The following SHPK variants were observed in gnomAD, a reference collection of about 807,000 sequenced individuals.
SHPK encodes sedoheptulokinase.
In SHPK, 51 loss-of-function variants were observed where a neutral mutation model predicts 46.3. That is an observed-to-expected ratio of 1.10 (90% CI 0.88 to 1.39). SHPK has a LOEUF of 1.39. Among genes scored for constraint, SHPK ranks in the 40% most tolerant of loss-of-function variants. The probability of loss-of-function intolerance (pLI) is 0.00; values close to 1 mark genes in which losing one functional copy is unlikely to be tolerated. For missense variants in SHPK, 668 were observed against 641.3 expected (o/e 1.04, Z -0.45); for synonymous variants, 290 against 273.9 (o/e 1.06, Z -0.58).
intron 6 of SHPK, among the ~76,000 whole-genome samples, chr17:3,611,864 T>G (rs1172056950): frequency 1.4e-5 from 2 of 141,792 alleles, no homozygotes; most frequent in African/African-American, 2.6e-5. Context: ...CAGTGGCACA[T>G]ATCCTATCGG....
At chr17:3,617,185 A>G (rs1452559200) in intron 5 of SHPK, among the ~76,000 whole-genome samples, 1 of 152,104 alleles carries the variant, frequency 6.6e-6, no homozygotes, top group East Asian at 1.9e-4. Context: ...TTTTTCTTTA[A>G]TCAGATCTGG....
rs1172478703 is a variant in SHPK, at chr17:3,608,307, A to G, written c.*2253T>C. On this transcript the variant is annotated 3_prime_UTR_variant, in exon 7 of 7. Coordinates refer to ENST00000225519, the MANE Select transcript of SHPK (RefSeq NM_013276.4). ...TTCAGCATATGACTGTTTTCTTCCC[A>G]TCTTTTCACTTAAAGGAAGCACCTT... is the stretch of plus-strand genomic sequence containing the variant. 1.3e-5 allele frequency: 2 copies of G among 151,726 alleles called. No individual in the cohort carries two copies. Among genetic ancestry groups the G allele is most frequent in the African/African-American group, 2.4e-5 (1 of 41,324 alleles). The allele number at this position is 151,726 out of a possible 1,614,324, so 9.4% of individuals were successfully genotyped here. A position where few individuals can be genotyped will look rare whatever the true frequency, so the allele number is the denominator to read the frequency against.
chr17:3,624,638 C>T (rs937780727), intron 2 of SHPK, among the ~76,000 whole-genome samples: 8 of 151,802 alleles, frequency 5.3e-5, no homozygotes, highest in Admixed American at 2.0e-4. Flanking sequence ...TAGCTGATTG[C>T]GTTTTATTTT....
At chr17:3,615,611 GA>G (rs1296710293) in intron 5 of SHPK, 74 bp from the exon 6 acceptor site, 4 of 1,364,812 alleles carry the variant, frequency 2.9e-6, no homozygotes, top group East Asian at 2.4e-5. Context: ...TTGGCAGTGA[GA>G]GGGGGTGGCC....
At chr17:3,626,782 TG>T (rs2075441067) in intron 2 of SHPK, among the ~76,000 whole-genome samples, 1 of 149,696 alleles carries the variant, frequency 6.7e-6, no homozygotes, top group Non-Finnish European at 1.5e-5. Context: ...AACAGTTACT[TG>T]GGAGGGGAAA....
At chr17:3,612,959 C>A (rs549245254) in intron 6 of SHPK, among the ~76,000 whole-genome samples, 1 of 152,254 alleles carries the variant, frequency 6.6e-6, no homozygotes, top group Non-Finnish European at 1.5e-5. Context: ...ACCATATTGG[C>A]CAGGCTGGTC....
In SHPK at chr17:3,636,237, C is replaced by T. The variant is rs750717928; in HGVS notation, c.-18G>A. The stretch of plus-strand genomic sequence containing the variant: ...GCAGCCATTATCTCCCTGACCCGCG[C>T]AGCTCCAGTCTGCAGCCAGCGGCCC... On this transcript the variant is annotated 5_prime_UTR_variant, in exon 1 of 7. Coordinates refer to ENST00000225519, the MANE Select transcript of SHPK (RefSeq NM_013276.4). 1.3e-6 allele frequency: 2 copies of T among 1,583,590 alleles called. No homozygotes were observed. The highest frequency in any genetic ancestry group is 2.3e-5 in the East Asian group (1 of 43,370).
intron 1 of SHPK, among the ~76,000 whole-genome samples, chr17:3,633,374 C>A (rs6502737): frequency 0.1 from 15,150 of 150,728 alleles, 2,566 homozygotes; most frequent in African/African-American, 0.35. Flanking sequence ...GTTGTCACAT[C>A]TGGGGAAGAG....
At position 3,634,690 on chromosome 17, in the gene SHPK, G is replaced by C. The variant is rs577633050; in HGVS notation, c.168+1362C>G. On this transcript the variant is annotated intron_variant, in intron 1 of 6. Transcript: ENST00000225519. The stretch of plus-strand genomic sequence containing the variant: ...CCCCACCAGGGTCAGAGCCAACTTT[G>C]CCTCCAATTCATAGTCCTTTAAGTA... Among the ~76,000 whole-genome samples, 6 of 151,520 alleles carry C rather than the reference G, an allele frequency of 4.0e-5. No individual in the cohort carries two copies. In the South Asian group the frequency reaches 1.0e-3, roughly 26 times the overall value.
At chr17:3,627,595 A>G (rs893052449) in intron 2 of SHPK, among the ~76,000 whole-genome samples, 2 of 152,092 alleles carry the variant, frequency 1.3e-5, no homozygotes, top group Middle Eastern at 3.2e-3. Flanking sequence ...AGCAGGTATC[A>G]CCATCACCAC....
intron 2 of SHPK, among the ~76,000 whole-genome samples, chr17:3,627,423 C>T (rs1022484239): frequency 6.6e-6 from 1 of 151,870 alleles, no homozygotes; most frequent in African/African-American, 2.4e-5. Flanking sequence ...TCTGTGTTGA[C>T]TGTGTTTTGG....
At chr17:3,630,077 A>G in intron 2 of SHPK, 128 bp downstream of exon 2, 4 of 1,191,452 alleles carry the variant, frequency 3.4e-6, no homozygotes, top group Admixed American at 3.5e-5. Flanking sequence ...GTATTCGTCC[A>G]CTCCAAGAAA....
chr17:3,615,185 C>A (rs1451275405), intron 6 of SHPK, 152 bp downstream of exon 6: 3 of 706,398 alleles, frequency 4.2e-6, no homozygotes, highest in Non-Finnish European at 7.2e-6. Context: ...AAGCTCAGAT[C>A]CCAAAGGATG....
At chr17:3,628,565 C>T (rs1006672011) in intron 2 of SHPK, among the ~76,000 whole-genome samples, 30 of 152,268 alleles carry the variant, frequency 2.0e-4, no homozygotes, top group African/African-American at 7.2e-4. Context: ...TCGTGATCTG[C>T]CCGCCTCAGC....
intron 1 of SHPK, among the ~76,000 whole-genome samples, chr17:3,634,335 C>T (rs748117477): frequency 9.9e-5 from 15 of 151,274 alleles, no homozygotes; most frequent in African/African-American, 2.9e-4. Context: ...TTTGGGAAAC[C>T]GAGGCAGGCA....
At chr17:3,625,440 G>A (rs932933993) in intron 2 of SHPK, among the ~76,000 whole-genome samples, 13 of 152,172 alleles carry the variant, frequency 8.5e-5, no homozygotes, top group Non-Finnish European at 2.9e-5. Context: ...CAGCCTTCAG[G>A]TAAGAAGTGC....
In SHPK at chr17:3,615,540, G is replaced by A; in HGVS notation, c.824-3C>T. ...AACCGAGGTGCTGATGTTGAGAACTGGGGTCCGAAGAGAGCAGAGCTTAGG... is the reference window on the plus strand; with the variant it reads ...AACCGAGGTGCTGATGTTGAGAACTAGGGTCCGAAGAGAGCAGAGCTTAGG... On this transcript the variant is annotated splice_polypyrimidine_tract_variant and splice_region_variant and intron_variant, in intron 5 of 6. Transcript: ENST00000225519. 2.5e-6 allele frequency: 4 copies of A among 1,613,924 alleles called. No homozygotes were observed. Among genetic ancestry groups the A allele is most frequent in the Non-Finnish European group, 3.4e-6 (4 of 1,179,832 alleles).
At chr17:3,629,164 C>G (rs1404018466) in intron 2 of SHPK, among the ~76,000 whole-genome samples, 2 of 152,136 alleles carry the variant, frequency 1.3e-5, no homozygotes, top group Non-Finnish European at 2.9e-5. Flanking sequence ...AAATATGACC[C>G]TGAGCATATT....
intron 2 of SHPK, among the ~76,000 whole-genome samples, chr17:3,626,069 C>CA (rs1273811343): frequency 5.9e-5 from 9 of 151,860 alleles, no homozygotes; most frequent in Middle Eastern, 3.4e-3. Flanking sequence ...ACAAAACAAA[C>CA]AAAAAAATGC....
Sources: gnomAD v4.1 joint callset for allele counts (sites outside exome capture counted in the v4.1 genomes callset) on GRCh38, gnomAD v4.1.1 for gene constraint, MANE v1.5 for transcripts, NCBI Gene and HGNC (gene_info 2026-07-23, HGNC 2026-07-21) for gene names.